Variants in GOLGA4 observed in about 807,000 individuals in gnomAD.
The protein encoded by GOLGA4 is golgin A4, also known as golgin subfamily A member 4.
Under a neutral mutation model 265.9 loss-of-function variants are expected in GOLGA4, and 169 were observed. The ratio of observed to expected loss-of-function variants is 0.64; its 90% confidence interval spans 0.56 to 0.72. The LOEUF (loss-of-function observed/expected upper bound fraction) is 0.72. Ranked by LOEUF, GOLGA4 falls within the 30% of genes least tolerant of loss-of-function variation. The pLI, the probability that GOLGA4 is intolerant of heterozygous loss-of-function variation, is 0.00. For missense variants in GOLGA4, 2,482 were observed against 2,483.4 expected, an observed-to-expected ratio of 1.00 and a Z score of 0.01; for synonymous variants, 923 against 855.8, an observed-to-expected ratio of 1.08 and a Z score of -1.37.
In GOLGA4 at chr3:37,298,839, A is replaced by G; in HGVS notation, c.821A>G (p.Asp274Gly). The stretch of plus-strand genomic sequence containing the variant: ...TATGTTGCTTTATTGTTAGTGGAAG[A>G]TGGAACTTCTGTAAAAACACTGGAA... ...PESDGEPVVE[D>G]GTSVKTLETL... is the part of the protein sequence containing the mutation. The change falls in exon 8 of 24, where the codon GAT becomes GGT. Residue 274 changes from aspartate (D) to glycine (G), a missense_variant. Transcript: ENST00000361924. 1.2e-6 allele frequency: 2 copies of G among 1,602,494 alleles called. No individual in the cohort carries two copies. Among genetic ancestry groups the G allele is most frequent in the Non-Finnish European group, 1.7e-6 (2 of 1,176,256 alleles).
At chr3:37,258,618 A>G (rs1041712523) in intron 2 of GOLGA4, among the ~76,000 whole-genome samples, 6 of 152,142 alleles carry the variant, frequency 3.9e-5, no homozygotes, top group Non-Finnish European at 7.4e-5. Context: ...ATGAACCACC[A>G]CACCTGGCCC....
chr3:37,293,663 A>G (rs2096870631), intron 5 of GOLGA4, among the ~76,000 whole-genome samples: 1 of 152,226 alleles, frequency 6.6e-6, no homozygotes, highest in African/African-American at 2.4e-5. Flanking sequence ...AGAAGACACA[A>G]GATTGAACCC....
intron 2 of GOLGA4, among the ~76,000 whole-genome samples, chr3:37,265,902 C>T (rs1236725617): frequency 6.6e-6 from 1 of 151,558 alleles, no homozygotes; most frequent in Non-Finnish European, 1.5e-5. Flanking sequence ...TGATGTGCGC[C>T]TGTAGTCCCA....
chr3:37,359,573 A>T (rs1355441138), intron 22 of GOLGA4, among the ~76,000 whole-genome samples: 1 of 151,646 alleles, frequency 6.6e-6, no homozygotes, highest in Non-Finnish European at 1.5e-5. Context: ...TGTCCATTCT[A>T]GTCATCTTTT....
chr3:37,362,410 G>T (rs1222709634), intron 23 of GOLGA4, among the ~76,000 whole-genome samples: 1 of 150,506 alleles, frequency 6.6e-6, no homozygotes, highest in African/African-American at 2.4e-5. Context: ...CTAATTTTTT[G>T]TATTTTTTTT....
chr3:37,300,350 A>AATATGCC (rs2096889437), intron 9 of GOLGA4, among the ~76,000 whole-genome samples: 1 of 152,190 alleles, frequency 6.6e-6, no homozygotes, highest in South Asian at 2.1e-4. Context: ...GGTTATCACT[A>AATATGCC]GAGTATTTTA....
At chr3:37,246,603 G>T (rs1053403879) in intron 1 of GOLGA4, among the ~76,000 whole-genome samples, 1 of 152,176 alleles carries the variant, frequency 6.6e-6, no homozygotes, top group African/African-American at 2.4e-5. Context: ...TGTTGCCAAA[G>T]GCTGGAGAGA....
rs1250012610 is a variant in GOLGA4 at position 37,335,182 on chromosome 3, G to A, written c.6306+16G>A. 11 of 1,292,066 alleles carry A rather than the reference G, an allele frequency of 8.5e-6. No homozygotes were observed. The highest frequency in any genetic ancestry group is 1.1e-5 in the Non-Finnish European group (10 of 895,912). The allele number at this position is 1,292,066 out of a possible 1,614,324, so 80.0% of individuals were successfully genotyped here. A position where few individuals can be genotyped will look rare whatever the true frequency, so the allele number is the denominator to read the frequency against. On this transcript the variant is annotated intron_variant, in intron 17 of 23. Transcript: ENST00000361924. ...CAATGATAATGTGAGAGGAGTTTGA[G>A]TTTGCTGCACATGTTTCTTGAAAAC... is the stretch of plus-strand genomic sequence containing the variant.
Position 37,366,192 on chromosome 3 carries a change from G to A in GOLGA4, c.*146G>A. 2.9e-6 allele frequency: 3 copies of A among 1,028,512 alleles called. No homozygotes were observed. Among genetic ancestry groups the A allele is most frequent in the Non-Finnish European group, 4.1e-6 (3 of 734,350 alleles). The allele number at this position is 1,028,512 out of a possible 1,614,324, so 63.7% of individuals were successfully genotyped here. A position where few individuals can be genotyped will look rare whatever the true frequency, so the allele number is the denominator to read the frequency against. ...GAAGTTGTCATTCAGGGCCCCTCAT[G>A]TAGCCAAAAGACCAAGAAAAATCTG... is the stretch of plus-strand genomic sequence containing the variant. On this transcript the variant is annotated 3_prime_UTR_variant, in exon 24 of 24. Transcript: ENST00000361924.
At chr3:37,249,397 A>G (rs568960178) in intron 1 of GOLGA4, among the ~76,000 whole-genome samples, 53 of 151,640 alleles carry the variant, frequency 3.5e-4, no homozygotes, top group Non-Finnish European at 6.2e-4. Flanking sequence ...TTTATTTCAC[A>G]TTGATTGATT....
intron 10 of GOLGA4, among the ~76,000 whole-genome samples, chr3:37,309,767 G>C (rs1578626607): frequency 6.6e-6 from 1 of 152,166 alleles, no homozygotes; most frequent in East Asian, 1.9e-4. Flanking sequence ...TTAATCCGTT[G>C]TGATGTATTA....
intron 13 of GOLGA4, among the ~76,000 whole-genome samples, chr3:37,322,934 A>G (rs2096959065): frequency 1.3e-5 from 2 of 152,196 alleles, no homozygotes; most frequent in African/African-American, 4.8e-5. Flanking sequence ...GGCCTTAAAA[A>G]TTGGAAAAAA....
chr3:37,251,679 CTG>C (rs1414311244), intron 2 of GOLGA4, among the ~76,000 whole-genome samples, 195 bp downstream of exon 2: 13 of 137,576 alleles, frequency 9.4e-5, no homozygotes, highest in Non-Finnish European at 1.7e-4. Flanking sequence ...GTCTGTCTGT[CTG>C]TATGTATGTA....
chr3:37,333,101 AAGAATTCATTTGGG>A (rs1423704473), intron 16 of GOLGA4, among the ~76,000 whole-genome samples: 1 of 152,214 alleles, frequency 6.6e-6, no homozygotes, highest in Non-Finnish European at 1.5e-5. Context: ...GTAGGCAGGG[AAGAATTCATTTGGG>A]AGAAGGGCAT....
chr3:37,318,705 T>C (rs1435896869), intron 11 of GOLGA4, among the ~76,000 whole-genome samples: 1 of 152,200 alleles, frequency 6.6e-6, no homozygotes, highest in African/African-American at 2.4e-5. Context: ...CATAATTTGA[T>C]TGGTGCAGCG....
chr3:37,263,009 A>G (rs1465857444), intron 2 of GOLGA4, among the ~76,000 whole-genome samples: 1 of 152,192 alleles, frequency 6.6e-6, no homozygotes, highest in Non-Finnish European at 1.5e-5. Context: ...TTCACTCACC[A>G]CTCACTCACT....
At chr3:37,339,546 C>G (rs1465201353) in intron 19 of GOLGA4, among the ~76,000 whole-genome samples, 2 of 152,206 alleles carry the variant, frequency 1.3e-5, no homozygotes, top group South Asian at 2.1e-4. Context: ...GTCTCCATAT[C>G]CTCACCAACA....
At chr3:37,271,180 G>A (rs2096797702) in intron 2 of GOLGA4, among the ~76,000 whole-genome samples, 1 of 152,164 alleles carries the variant, frequency 6.6e-6, no homozygotes, top group Non-Finnish European at 1.5e-5. Flanking sequence ...CTCTCCTGCT[G>A]TGTGGCCCCG....
chr3:37,328,273 C>T, intron 14 of GOLGA4, 143 bp from the exon 15 acceptor site: 1 of 734,890 alleles, frequency 1.4e-6, no homozygotes, highest in South Asian at 1.7e-5. Flanking sequence ...CACACACTCA[C>T]TCTCACACTC....
Sources: allele counts gnomAD v4.1 joint callset (sites outside exome capture counted in the v4.1 genomes callset), GRCh38; gene constraint gnomAD v4.1.1; transcripts MANE v1.5; gene names NCBI Gene and HGNC (gene_info 2026-07-23, HGNC 2026-07-21).